Variants in PALLD observed in about 807,000 individuals in gnomAD.
PALLD encodes palladin, cytoskeletal associated protein.
PALLD carries 61 observed loss-of-function variants against 123.5 expected under a neutral mutation model. That is an observed-to-expected ratio of 0.49 (90% CI 0.40 to 0.61). The LOEUF (loss-of-function observed/expected upper bound fraction) is 0.61. Among genes scored for constraint, PALLD ranks in the 20% least tolerant of loss-of-function variants. The probability of loss-of-function intolerance (pLI) is 0.00; values close to 1 mark genes in which losing one functional copy is unlikely to be tolerated. For synonymous variants in PALLD, 465 were observed against 496.4 expected (o/e 0.94, Z 0.84); for missense variants, 1,273 against 1,377.0 (o/e 0.92, Z 1.20).
chr4:168,743,533 T>C (rs1216596722), intron 10 of PALLD, among the ~76,000 whole-genome samples: 1 of 152,168 alleles, frequency 6.6e-6, no homozygotes, highest in Non-Finnish European at 1.5e-5. Flanking sequence ...TTCCAACTTA[T>C]AATGTAAGAT....
At chr4:168,767,609 G>A (rs1229933667) in intron 10 of PALLD, among the ~76,000 whole-genome samples, 5 of 148,090 alleles carry the variant, frequency 3.4e-5, no homozygotes, top group South Asian at 2.1e-4. Context: ...CTGCAGTGGC[G>A]CGATCTCAGC....
intron 2 of PALLD, among the ~76,000 whole-genome samples, chr4:168,558,644 C>G (rs1356911636): frequency 6.6e-6 from 1 of 152,158 alleles, no homozygotes; most frequent in African/African-American, 2.4e-5. Flanking sequence ...CTTTGAAAAT[C>G]CAAATATATG....
chr4:168,624,208 A>G (rs561382559), intron 2 of PALLD, among the ~76,000 whole-genome samples: 1 of 152,318 alleles, frequency 6.6e-6, no homozygotes, highest in East Asian at 1.9e-4. Context: ...AACAGCATTC[A>G]CTAGCACATT....
chr4:168,547,920 T>A (rs1394037567), intron 2 of PALLD, among the ~76,000 whole-genome samples: 2 of 117,750 alleles, frequency 1.7e-5, no homozygotes, highest in Non-Finnish European at 3.3e-5. Flanking sequence ...CACTCCAGCC[T>A]GGGCGACAGA....
chr4:168,766,388 C>A (rs1339655883), intron 10 of PALLD, among the ~76,000 whole-genome samples: 1 of 149,990 alleles, frequency 6.7e-6, no homozygotes, highest in Non-Finnish European at 1.5e-5. Context: ...AATACTAGAG[C>A]TCTACCTGAA....
At chr4:168,812,025 G>T (rs1300595192) in intron 10 of PALLD, among the ~76,000 whole-genome samples, 1 of 152,108 alleles carries the variant, frequency 6.6e-6, no homozygotes, top group Non-Finnish European at 1.5e-5. Context: ...TGACAATATA[G>T]AAAAGGCCAA....
chr4:168,584,301 C>G (rs1770595458), intron 2 of PALLD, among the ~76,000 whole-genome samples: 1 of 151,952 alleles, frequency 6.6e-6, no homozygotes, highest in South Asian at 2.1e-4. Flanking sequence ...GTAAGCATCC[C>G]TCTGCTGAAC....
chr4:168,850,297 C>G (rs989044094), intron 10 of PALLD, among the ~76,000 whole-genome samples: 1 of 152,010 alleles, frequency 6.6e-6, no homozygotes, highest in Non-Finnish European at 1.5e-5. Flanking sequence ...CTACTCCCCA[C>G]CAAGAATTTA....
intron 10 of PALLD, among the ~76,000 whole-genome samples, chr4:168,784,911 T>C (rs973541844): frequency 1.3e-5 from 2 of 152,128 alleles, no homozygotes; most frequent in Non-Finnish European, 1.5e-5. Flanking sequence ...CCTGTGGGGA[T>C]TTCTTTCCTG....
chr4:168,903,033 A>G (rs1582035177), intron 14 of PALLD, among the ~76,000 whole-genome samples: 2 of 152,302 alleles, frequency 1.3e-5, no homozygotes, highest in Middle Eastern at 3.4e-3. Flanking sequence ...TGCTGGGATT[A>G]TAGGTAGGCA....
intron 10 of PALLD, among the ~76,000 whole-genome samples, chr4:168,852,740 C>T (rs762467237): frequency 1.3e-5 from 2 of 152,178 alleles, no homozygotes; most frequent in Non-Finnish European, 2.9e-5. Context: ...GTATTATTTG[C>T]CTTAAGCCAT....
chr4:168,776,342 T>G (rs1735162767), intron 10 of PALLD, among the ~76,000 whole-genome samples: 1 of 152,234 alleles, frequency 6.6e-6, no homozygotes, highest in African/African-American at 2.4e-5. Flanking sequence ...AGAAATACAG[T>G]TGACTTCTAT....
At chr4:168,698,242 T>A (rs999594800) in intron 8 of PALLD, among the ~76,000 whole-genome samples, 1 of 152,162 alleles carries the variant, frequency 6.6e-6, no homozygotes, top group African/African-American at 2.4e-5. Flanking sequence ...AGATGGTTAA[T>A]TGGTACAAAA....
At chr4:168,760,603 C>A (rs1204524447) in intron 10 of PALLD, among the ~76,000 whole-genome samples, 9 of 152,124 alleles carry the variant, frequency 5.9e-5, no homozygotes, top group Non-Finnish European at 1.3e-4. Flanking sequence ...AAAAAATATT[C>A]CCTCAATCCA....
chr4:168,585,477 T>C (rs1469448993), intron 2 of PALLD, among the ~76,000 whole-genome samples: 3 of 152,202 alleles, frequency 2.0e-5, no homozygotes, highest in East Asian at 1.9e-4. Context: ...CCCACCTCTC[T>C]CTACTGACCC....
intron 10 of PALLD, among the ~76,000 whole-genome samples, chr4:168,719,141 C>G (rs1161079812): frequency 1.3e-5 from 2 of 151,702 alleles, no homozygotes; most frequent in Non-Finnish European, 2.9e-5. Flanking sequence ...CTCCCGACCT[C>G]GTGACCCACC....
intron 10 of PALLD, among the ~76,000 whole-genome samples, chr4:168,715,317 T>G (rs551915894): frequency 7.2e-5 from 11 of 152,116 alleles, no homozygotes. Context: ...ATTTGGTGAG[T>G]CCCAGATGAC....
chr4:168,655,604 TAAAG>T (rs1379183850), intron 2 of PALLD, among the ~76,000 whole-genome samples: 6 of 152,302 alleles, frequency 3.9e-5, no homozygotes, highest in African/African-American at 1.2e-4. Flanking sequence ...AGATGAAAAA[TAAAG>T]AAGCGAAGCC....
At chr4:168,838,940 T>C (rs1415329525) in intron 10 of PALLD, among the ~76,000 whole-genome samples, 1 of 152,046 alleles carries the variant, frequency 6.6e-6, no homozygotes, top group African/African-American at 2.4e-5. Context: ...ACGGATTAAG[T>C]TTTAGACTAA....
Sources: allele counts gnomAD v4.1 joint callset (sites outside exome capture counted in the v4.1 genomes callset), GRCh38; gene constraint gnomAD v4.1.1; transcripts MANE v1.5; gene names NCBI Gene and HGNC (gene_info 2026-07-23, HGNC 2026-07-21).